The following KHDRBS2 variants were observed in gnomAD, a reference collection of about 807,000 sequenced individuals.
KHDRBS2 encodes the protein KH RNA binding domain containing, signal transduction associated 2.
Under a neutral mutation model 44.3 loss-of-function variants are expected in KHDRBS2, and 26 were observed. That is an observed-to-expected ratio of 0.59 (90% confidence interval 0.43 to 0.81). The LOEUF is 0.81. Ranked by LOEUF, KHDRBS2 falls within the 40% of genes least tolerant of loss-of-function variation. The pLI, the probability that KHDRBS2 is intolerant of heterozygous loss-of-function variation, is 0.00. For synonymous variants in KHDRBS2, 194 were observed against 151.1 expected, an observed-to-expected ratio of 1.28 and a Z score of -2.08; for missense variants, 476 against 433.1, an observed-to-expected ratio of 1.10 and a Z score of -0.88.
At chr6:61,681,687 T>C (rs1766327362) in intron 8 of KHDRBS2, among the ~76,000 whole-genome samples, 1 of 151,698 alleles carries the variant, frequency 6.6e-6, no homozygotes, top group Admixed American at 6.6e-5. Context: ...ACTCAGTAAA[T>C]AAAGAAGTAT....
At chr6:61,546,326 CTT>C in the KHDRBS2 span, among the ~76,000 whole-genome samples, 1 of 151,668 alleles carries the variant, frequency 6.6e-6, no homozygotes, top group African/African-American at 2.4e-5. Flanking sequence ...AAAAACAAAA[CTT>C]TATATAACCA....
chr6:61,639,118 T>G, the KHDRBS2 span, among the ~76,000 whole-genome samples: 1 of 152,120 alleles, frequency 6.6e-6, no homozygotes, highest in Non-Finnish European at 1.5e-5. Context: ...TAAGTTCCCT[T>G]ATGAAATGAG....
chr6:62,072,133 C>T (rs1023141238), intron 2 of KHDRBS2, among the ~76,000 whole-genome samples: 5 of 151,976 alleles, frequency 3.3e-5, no homozygotes, highest in Admixed American at 1.3e-4. Flanking sequence ...CATGATTTGG[C>T]TCTCTGTTTG....
chr6:61,795,974 A>C (rs1367054456), intron 6 of KHDRBS2, among the ~76,000 whole-genome samples: 1 of 152,178 alleles, frequency 6.6e-6, no homozygotes, highest in Non-Finnish European at 1.5e-5. Context: ...AGTTAAGATC[A>C]TGAGGATGGA....
At chr6:62,205,133 T>A (rs1827722986) in intron 1 of KHDRBS2, among the ~76,000 whole-genome samples, 1 of 152,118 alleles carries the variant, frequency 6.6e-6, no homozygotes, top group Non-Finnish European at 1.5e-5. Flanking sequence ...TGGTCAGGAA[T>A]CATGTGGTCC....
chr6:61,833,588 A>G, intron 6 of KHDRBS2, among the ~76,000 whole-genome samples: 1 of 152,152 alleles, frequency 6.6e-6, no homozygotes, highest in East Asian at 1.9e-4. Flanking sequence ...TTCCTTCCAG[A>G]TACAAATTAC....
intron 6 of KHDRBS2, among the ~76,000 whole-genome samples, chr6:61,834,995 G>T (rs917941381): frequency 1.2e-4 from 18 of 151,902 alleles, no homozygotes; most frequent in African/African-American, 3.9e-4. Flanking sequence ...AAAAGCAAAG[G>T]GATGAAAAGT....
chr6:61,741,581 G>A (rs572609823), intron 6 of KHDRBS2, among the ~76,000 whole-genome samples: 1 of 151,966 alleles, frequency 6.6e-6, no homozygotes, highest in South Asian at 2.1e-4. Context: ...CCCAGGTAGT[G>A]AGTATAGGAC....
intron 3 of KHDRBS2, among the ~76,000 whole-genome samples, chr6:61,990,823 C>A (rs1775994188): frequency 1.3e-5 from 2 of 151,952 alleles, no homozygotes; most frequent in Admixed American, 1.3e-4. Context: ...GATTCTCCTG[C>A]CTCAACCTCC....
chr6:61,868,874 T>C (rs1024162746), intron 6 of KHDRBS2, among the ~76,000 whole-genome samples: 3 of 152,164 alleles, frequency 2.0e-5, no homozygotes, highest in Non-Finnish European at 4.4e-5. Context: ...ATCCTTGGAC[T>C]GGAGCATGTA....
intron 2 of KHDRBS2, among the ~76,000 whole-genome samples, chr6:62,089,427 G>A (rs1311599403): frequency 6.6e-6 from 1 of 152,120 alleles, no homozygotes; most frequent in African/African-American, 2.4e-5. Flanking sequence ...TAGTATCTGG[G>A]CAGGATAGCA....
chr6:61,888,215 C>A (rs755362553), intron 6 of KHDRBS2, among the ~76,000 whole-genome samples: 3 of 152,270 alleles, frequency 2.0e-5, no homozygotes, highest in Non-Finnish European at 4.4e-5. Flanking sequence ...CCTCCTCTAC[C>A]TTTGCCATTG....
the KHDRBS2 span, among the ~76,000 whole-genome samples, chr6:61,596,224 T>C: frequency 1.3e-5 from 2 of 152,158 alleles, no homozygotes; most frequent in Non-Finnish European, 2.9e-5. Flanking sequence ...CAGCTTCAGC[T>C]TATGGAAAAA....
At chr6:61,970,091 T>A (rs1771001109) in intron 4 of KHDRBS2, among the ~76,000 whole-genome samples, 1 of 152,016 alleles carries the variant, frequency 6.6e-6, no homozygotes. Context: ...GACTCATTTA[T>A]GTAGATAGAA....
In KHDRBS2 at chr6:61,714,043, C is replaced by T. The variant is rs116158572; in HGVS notation, c.894-16790G>A. On this transcript the variant is annotated intron_variant, in intron 7 of 8. Coordinates refer to ENST00000281156, the MANE Select transcript of KHDRBS2 (RefSeq NM_152688.4). ...GGTAACAAAAACAGAAATAGACAAACGGGACTACATTAAATTAGAAAGCTT... is the reference window on the plus strand; with the variant it reads ...GGTAACAAAAACAGAAATAGACAAATGGGACTACATTAAATTAGAAAGCTT... 1.6e-3 allele frequency among the ~76,000 whole-genome samples: 248 copies of T among 151,618 alleles called. 1 individual carries two copies. The highest frequency in any genetic ancestry group is 5.4e-3 in the African/African-American group (225 of 41,460).
chr6:62,259,147 A>AT (rs1489517793), intron 1 of KHDRBS2, among the ~76,000 whole-genome samples: 1 of 152,014 alleles, frequency 6.6e-6, no homozygotes, highest in Admixed American at 6.6e-5. Flanking sequence ...TTTTAATAAT[A>AT]TTTTTCTGAT....
chr6:62,029,485 T>C (rs1783957522), intron 3 of KHDRBS2, among the ~76,000 whole-genome samples: 1 of 151,966 alleles, frequency 6.6e-6, no homozygotes, highest in Non-Finnish European at 1.5e-5. Context: ...ATGTGCAAGA[T>C]ATTTATGAAT....
chr6:62,043,672 G>A (rs145011087), intron 3 of KHDRBS2, among the ~76,000 whole-genome samples: 97 of 151,506 alleles, frequency 6.4e-4, no homozygotes, highest in East Asian at 2.5e-3. Flanking sequence ...CAGAGTTATC[G>A]GCTAGGTATA....
chr6:62,173,943 C>T (rs181029220), intron 2 of KHDRBS2, among the ~76,000 whole-genome samples: 134 of 151,956 alleles, frequency 8.8e-4, no homozygotes, highest in African/African-American at 3.1e-3. Context: ...ATGAAAAACC[C>T]ACAGCCAACA....
Sources: gnomAD v4.1 joint callset for allele counts (sites outside exome capture counted in the v4.1 genomes callset) on GRCh38, gnomAD v4.1.1 for gene constraint, MANE v1.5 for transcripts, NCBI Gene and HGNC (gene_info 2026-07-23, HGNC 2026-07-21) for gene names.